Variants in ARL15 observed in about 807,000 individuals in gnomAD.
ARL15 encodes ADP-ribosylation factor-like protein 15.
ARL15 carries 19 observed loss-of-function variants against 25.2 expected under a neutral mutation model. The ratio of observed to expected loss-of-function variants is 0.75; its 90% CI spans 0.53 to 1.10. ARL15 has a LOEUF of 1.10. Among genes scored for constraint, ARL15 ranks in the 50% least tolerant of loss-of-function variants. The pLI, the probability that ARL15 is intolerant of heterozygous loss-of-function variation, is 0.00. For synonymous variants in ARL15, 94 were observed against 86.8 expected, an observed-to-expected ratio of 1.08 and a Z score of -0.46; for missense variants, 220 against 246.0, an observed-to-expected ratio of 0.89 and a Z score of 0.71.
intron 4 of ARL15, among the ~76,000 whole-genome samples, chr5:53,946,256 C>A (rs1369452046): frequency 5.3e-5 from 8 of 152,012 alleles, no homozygotes; most frequent in African/African-American, 1.9e-4. Flanking sequence ...GAGTTTGAGA[C>A]CAGCCTGGCC....
rs1251264038 is a variant in ARL15 at position 54,007,984 on chromosome 5, T to C, written c.462+105218A>G. 2.6e-5 allele frequency among the ~76,000 whole-genome samples: 4 copies of C among 152,130 alleles called. No homozygotes were observed. The East Asian group carries it at 7.7e-4, about 29-fold the overall frequency. ...ACCTTCAATACATCTCAGTGAGTCATGCAAAAATGCACAGACCGGCTCCTG... is the reference window on the plus strand; with the variant it reads ...ACCTTCAATACATCTCAGTGAGTCACGCAAAAATGCACAGACCGGCTCCTG... On this transcript the variant is annotated intron_variant, in intron 4 of 4. Transcript: ENST00000504924.
At chr5:54,270,552 A>G (rs1015921762) in intron 1 of ARL15, among the ~76,000 whole-genome samples, 6 of 152,190 alleles carry the variant, frequency 3.9e-5, no homozygotes, top group African/African-American at 1.4e-4. Context: ...TCATTCCACA[A>G]ACATGTATTA....
At chr5:54,139,676 T>C (rs1753714460) in intron 3 of ARL15, among the ~76,000 whole-genome samples, 1 of 151,968 alleles carries the variant, frequency 6.6e-6, no homozygotes, top group Non-Finnish European at 1.5e-5. Flanking sequence ...ATAATAAAAA[T>C]TAAAAATTAG....
chr5:53,907,559 G>T (rs971687581), intron 4 of ARL15, among the ~76,000 whole-genome samples: 87 of 130,456 alleles, frequency 6.7e-4, no homozygotes, highest in African/African-American at 2.5e-3. Flanking sequence ...GTGCAGTGGC[G>T]CAATCTCAGC....
intron 4 of ARL15, among the ~76,000 whole-genome samples, chr5:53,903,344 A>T (rs1311218867): frequency 6.6e-6 from 1 of 152,196 alleles, no homozygotes; most frequent in African/African-American, 2.4e-5. Flanking sequence ...GTACCTTCCC[A>T]CGGGACATTT....
At chr5:54,033,132 G>A (rs1750045517) in intron 4 of ARL15, among the ~76,000 whole-genome samples, 1 of 150,652 alleles carries the variant, frequency 6.6e-6, no homozygotes, top group African/African-American at 2.4e-5. Context: ...TGACTAACAT[G>A]GTGAAACCCT....
chr5:53,892,930 A>G (rs967271351), intron 4 of ARL15, among the ~76,000 whole-genome samples: 1 of 152,078 alleles, frequency 6.6e-6, no homozygotes, highest in Non-Finnish European at 1.5e-5. Context: ...CTCTCTAGTA[A>G]AAGTATGGTC....
At position 54,260,336 on chromosome 5, in the gene ARL15, C is replaced by T. The variant is rs115052899; in HGVS notation, c.48+50096G>A. Among the ~76,000 whole-genome samples the T allele has an allele frequency of 8.1e-3, 1,239 of 152,290 alleles. 12 individuals carry two copies. The highest frequency in any genetic ancestry group is 0.017 in the South Asian group (83 of 4,822). On this transcript the variant is annotated intron_variant, in intron 1 of 4. Transcript: ENST00000504924. Reference sequence around the variant, plus strand: ...GTGATTCCTTCAACCATTATCATAACAATTACATAGGTACTAAGTCACCAC... The same window carrying T: ...GTGATTCCTTCAACCATTATCATAATAATTACATAGGTACTAAGTCACCAC...
At chr5:54,047,106 T>C (rs1459193440) in intron 4 of ARL15, among the ~76,000 whole-genome samples, 1 of 152,182 alleles carries the variant, frequency 6.6e-6, no homozygotes, top group Non-Finnish European at 1.5e-5. Flanking sequence ...TCAGACTCTA[T>C]GGCTCACAAA....
At chr5:54,143,531 C>T (rs75475035) in intron 3 of ARL15, among the ~76,000 whole-genome samples, 11 of 151,540 alleles carry the variant, frequency 7.3e-5, no homozygotes, top group East Asian at 1.9e-4. Context: ...TTATGCTATC[C>T]GTATTAGAAA....
At chr5:53,932,115 A>C (rs1303892625) in intron 4 of ARL15, among the ~76,000 whole-genome samples, 1 of 152,196 alleles carries the variant, frequency 6.6e-6, no homozygotes, top group Non-Finnish European at 1.5e-5. Context: ...AACTTGATAA[A>C]CTAAGAAGGG....
chr5:54,204,134 CGA>C (rs1755798913), intron 1 of ARL15, among the ~76,000 whole-genome samples: 1 of 151,822 alleles, frequency 6.6e-6, no homozygotes, highest in African/African-American at 2.4e-5. Context: ...ATTTTCTTTT[CGA>C]GAGAGGAAAT....
At chr5:54,149,787 T>C (rs991345453) in intron 3 of ARL15, among the ~76,000 whole-genome samples, 1 of 152,132 alleles carries the variant, frequency 6.6e-6, no homozygotes. Context: ...TCTTGTACAA[T>C]ATCCAGAAAA....
chr5:54,191,403 T>C (rs1231687477), intron 1 of ARL15, among the ~76,000 whole-genome samples: 1 of 152,150 alleles, frequency 6.6e-6, no homozygotes, highest in African/African-American at 2.4e-5. Context: ...ATGGTGGGGA[T>C]ATAACATTAT....
At chr5:54,217,880 T>C (rs1464302064) in intron 1 of ARL15, among the ~76,000 whole-genome samples, 1 of 152,194 alleles carries the variant, frequency 6.6e-6, no homozygotes, top group African/African-American at 2.4e-5. Flanking sequence ...ATTTGTTGTC[T>C]ACCAGTAATG....
At chr5:53,909,139 G>C (rs948865389) in intron 4 of ARL15, among the ~76,000 whole-genome samples, 3 of 151,998 alleles carry the variant, frequency 2.0e-5, no homozygotes, top group African/African-American at 7.2e-5. Flanking sequence ...AATTTCTCCT[G>C]CTTGCCAGCA....
intron 4 of ARL15, among the ~76,000 whole-genome samples, chr5:53,911,318 A>G (rs1288663168): frequency 6.6e-6 from 1 of 152,204 alleles, no homozygotes; most frequent in Non-Finnish European, 1.5e-5. Context: ...TATAAAATGA[A>G]TGATGCTTAC....
At position 54,190,392 on chromosome 5, in the gene ARL15, C is replaced by CA. The variant is rs35551500; in HGVS notation, c.49-18465dup. 2.7e-3 allele frequency among the ~76,000 whole-genome samples: 328 copies of CA among 119,914 alleles called. 1 individual carries two copies. Among genetic ancestry groups the CA allele is most frequent in the African/African-American group, 3.8e-3 (122 of 31,702 alleles). The allele number at this position is 119,914 out of a possible 152,430, so 78.7% of individuals were successfully genotyped here. Reference sequence around the variant, plus strand: ...TAGGTGATAGAATGAGACGTTGTCTCAAAAAAAAAAAAAAAATTACAGTGA... The same window carrying CA: ...TAGGTGATAGAATGAGACGTTGTCTCAAAAAAAAAAAAAAAAATTACAGTGA... On this transcript the variant is annotated intron_variant, in intron 1 of 4. Transcript: ENST00000504924.
intron 1 of ARL15, among the ~76,000 whole-genome samples, chr5:54,198,586 C>A (rs1439457394): frequency 6.7e-6 from 1 of 148,480 alleles, no homozygotes; most frequent in Non-Finnish European, 1.5e-5. Flanking sequence ...ATCCACCTTA[C>A]AAGGGACGTG....
Sources: gnomAD v4.1 joint callset for allele counts (sites outside exome capture counted in the v4.1 genomes callset) on GRCh38, gnomAD v4.1.1 for gene constraint, MANE v1.5 for transcripts, NCBI Gene and HGNC (gene_info 2026-07-23, HGNC 2026-07-21) for gene names.